Variants in RABGAP1L observed in about 807,000 individuals in gnomAD.
RABGAP1L encodes the protein rab GTPase-activating protein 1-like.
RABGAP1L carries 63 observed loss-of-function variants against 137.7 expected under a neutral mutation model. That is an observed-to-expected ratio of 0.46 (90% CI 0.37 to 0.56). The LOEUF (loss-of-function observed/expected upper bound fraction) is 0.56, where lower values mean the gene tolerates loss of function less well. Among genes scored for constraint, RABGAP1L ranks in the 20% least tolerant of loss-of-function variants. The pLI is 0.00. For synonymous variants in RABGAP1L, 431 were observed against 433.7 expected, an observed-to-expected ratio of 0.99 and a Z score of 0.08; for missense variants, 1,095 against 1,244.0, an observed-to-expected ratio of 0.88 and a Z score of 1.80.
chr1:174,517,297 G>A (rs752813664), intron 13 of RABGAP1L, among the ~76,000 whole-genome samples: 10 of 152,048 alleles, frequency 6.6e-5, no homozygotes, highest in Admixed American at 1.3e-4. Context: ...AAATTTAAAA[G>A]GATTTGGTTA....
At chr1:174,705,369 C>G (rs931573557) in intron 17 of RABGAP1L, 1 of 152,098 alleles carries the variant, frequency 6.6e-6, no homozygotes, top group South Asian at 2.1e-4. Context: ...AAACTAGCAA[C>G]ATTTGTGCTA....
At chr1:174,634,863 T>G (rs1280026946) in intron 13 of RABGAP1L, among the ~76,000 whole-genome samples, 5 of 129,070 alleles carry the variant, frequency 3.9e-5, no homozygotes, top group Admixed American at 8.6e-5. Flanking sequence ...AAGGGGAATA[T>G]CACACTCTGG....
intron 14 of RABGAP1L, among the ~76,000 whole-genome samples, chr1:174,666,552 G>C (rs1389148794): frequency 6.6e-6 from 1 of 152,158 alleles, no homozygotes; most frequent in Non-Finnish European, 1.5e-5. Flanking sequence ...AAGCTAAATG[G>C]GAATATTTTA....
At chr1:174,613,742 T>C (rs1671501726) in intron 13 of RABGAP1L, among the ~76,000 whole-genome samples, 1 of 152,256 alleles carries the variant, frequency 6.6e-6, no homozygotes, top group Non-Finnish European at 1.5e-5. Context: ...TGGGTGCTCC[T>C]GTATTGGGTG....
At chr1:174,212,623 T>G (rs1465033493) in intron 1 of RABGAP1L, among the ~76,000 whole-genome samples, 1 of 151,594 alleles carries the variant, frequency 6.6e-6, no homozygotes, top group African/African-American at 2.4e-5. Flanking sequence ...CTAACAATAC[T>G]TAAAGAACTA....
intron 7 of RABGAP1L, among the ~76,000 whole-genome samples, chr1:174,259,126 A>C (rs1673365877): frequency 6.6e-6 from 1 of 152,026 alleles, no homozygotes; most frequent in Non-Finnish European, 1.5e-5. Context: ...ATATTATGAA[A>C]GAAGCCATTT....
At chr1:174,881,221 G>A (rs1654142140) in intron 19 of RABGAP1L, among the ~76,000 whole-genome samples, 1 of 152,042 alleles carries the variant, frequency 6.6e-6, no homozygotes, top group South Asian at 2.1e-4. Context: ...TGCACCAAAG[G>A]GAATTCCCAC....
intron 20 of RABGAP1L, chr1:174,958,178 A>T (rs773487077): frequency 1.1e-4 from 157 of 1,420,360 alleles, no homozygotes; most frequent in Non-Finnish European, 1.4e-4. Flanking sequence ...ACAAAGGTAT[A>T]TTGAGCACAG....
chr1:174,444,778 A>G (rs891621924), intron 13 of RABGAP1L, among the ~76,000 whole-genome samples: 2 of 151,952 alleles, frequency 1.3e-5, no homozygotes, highest in Non-Finnish European at 2.9e-5. Context: ...TGTGGAGTCA[A>G]TTGTAATGTC....
intron 11 of RABGAP1L, among the ~76,000 whole-genome samples, chr1:174,360,335 C>A (rs1050667198): frequency 2.0e-5 from 3 of 151,998 alleles, no homozygotes; most frequent in Non-Finnish European, 2.9e-5. Flanking sequence ...AAGAAGTATT[C>A]TCTAAGTATT....
intron 13 of RABGAP1L, among the ~76,000 whole-genome samples, chr1:174,489,200 C>G (rs1394393555): frequency 1.3e-5 from 2 of 152,090 alleles, no homozygotes; most frequent in Admixed American, 6.5e-5. Flanking sequence ...AACTAAAGAG[C>G]TTCTGCACAA....
chr1:174,766,757 G>A (rs1277979452), intron 18 of RABGAP1L, among the ~76,000 whole-genome samples: 1 of 152,158 alleles, frequency 6.6e-6, no homozygotes, highest in Non-Finnish European at 1.5e-5. Flanking sequence ...CCCTTGACAA[G>A]GGCATCTCAG....
intron 13 of RABGAP1L, among the ~76,000 whole-genome samples, chr1:174,501,032 C>G (rs542671092): frequency 1.3e-5 from 2 of 152,022 alleles, no homozygotes; most frequent in African/African-American, 2.4e-5. Flanking sequence ...AGAGAATAAC[C>G]TTAGTGATCT....
chr1:174,806,852 A>G (rs1390202963), intron 18 of RABGAP1L, among the ~76,000 whole-genome samples: 1 of 152,174 alleles, frequency 6.6e-6, no homozygotes, highest in Non-Finnish European at 1.5e-5. Context: ...GTGGTGCAAT[A>G]TCAGCTCACT....
At chr1:174,887,482 G>A (rs1405569887) in intron 19 of RABGAP1L, among the ~76,000 whole-genome samples, 6 of 152,036 alleles carry the variant, frequency 3.9e-5, no homozygotes, top group Admixed American at 1.3e-4. Flanking sequence ...AAAGTGAATT[G>A]GCACTCTTTT....
At chr1:174,914,940 A>T (rs1307118436) in intron 19 of RABGAP1L, among the ~76,000 whole-genome samples, 1 of 152,222 alleles carries the variant, frequency 6.6e-6, no homozygotes, top group Non-Finnish European at 1.5e-5. Context: ...TTTACTTGGC[A>T]TAATGATTTT....
chr1:174,223,867 G>A (rs1316239969), intron 3 of RABGAP1L, among the ~76,000 whole-genome samples: 1 of 152,158 alleles, frequency 6.6e-6, no homozygotes, highest in African/African-American at 2.4e-5. Flanking sequence ...TGTTATAGAA[G>A]TGAATCACTA....
At chr1:174,837,103 G>A (rs1380248614) in intron 19 of RABGAP1L, among the ~76,000 whole-genome samples, 1 of 152,062 alleles carries the variant, frequency 6.6e-6, no homozygotes, top group Non-Finnish European at 1.5e-5. Flanking sequence ...GTTACTTGGG[G>A]GGCTGAGGTG....
At chr1:174,773,163 G>GGGGTGTGTGTGTGTGT (rs10529487) in intron 18 of RABGAP1L, among the ~76,000 whole-genome samples, 4 of 149,548 alleles carry the variant, frequency 2.7e-5, no homozygotes, top group Non-Finnish European at 5.9e-5. Context: ...TAAGCTATGG[G>GGGGTGTGTGTGTGTGT]GTGTGTGTGT....
Sources: gnomAD v4.1 joint callset for allele counts (sites outside exome capture counted in the v4.1 genomes callset) on GRCh38, gnomAD v4.1.1 for gene constraint, MANE v1.5 for transcripts, NCBI Gene and HGNC (gene_info 2026-07-23, HGNC 2026-07-21) for gene names.